Variants in MEGF11 observed in about 807,000 individuals in gnomAD.
The protein encoded by MEGF11 is multiple EGF like domains 11.
MEGF11 carries 126 observed loss-of-function variants against 146.6 expected under a neutral mutation model. The ratio of observed to expected loss-of-function variants is 0.86; its 90% CI spans 0.74 to 1.00. The LOEUF is 1.00. Ranked by LOEUF, MEGF11 falls within the 50% of genes least tolerant of loss-of-function variation. The pLI is 0.00. For synonymous variants in MEGF11, 532 were observed against 583.4 expected (o/e 0.91, Z 1.27); for missense variants, 1,509 against 1,521.2 (o/e 0.99, Z 0.13).
chr15:66,138,226 G>A (rs149317898), intron 1 of MEGF11, among the ~76,000 whole-genome samples: 1 of 152,270 alleles, frequency 6.6e-6, no homozygotes, highest in Non-Finnish European at 1.5e-5. Context: ...CAGAGGACTT[G>A]AGCCCTAAAC....
intron 24 of MEGF11, among the ~76,000 whole-genome samples, chr15:65,899,310 C>T (rs2078433850): frequency 6.6e-6 from 1 of 152,202 alleles, no homozygotes; most frequent in Non-Finnish European, 1.5e-5. Flanking sequence ...AGTCACACAG[C>T]TAGTGAATGG....
intron 1 of MEGF11, among the ~76,000 whole-genome samples, chr15:66,169,606 G>A (rs923319070): frequency 2.6e-5 from 4 of 152,242 alleles, no homozygotes; most frequent in African/African-American, 7.2e-5. Flanking sequence ...CTGTCTCAGC[G>A]AGCACTGACA....
chr15:65,898,999 C>A, intron 24 of MEGF11, 65 bp from the exon 25 acceptor site: 1 of 1,524,638 alleles, frequency 6.6e-7, no homozygotes, highest in South Asian at 1.2e-5. Context: ...ATATCAGAAG[C>A]AGACTGCAGT....
chr15:66,157,681 A>G (rs1449375893), intron 1 of MEGF11, among the ~76,000 whole-genome samples: 5 of 152,216 alleles, frequency 3.3e-5, no homozygotes. Flanking sequence ...GACGCCTGAC[A>G]GAGGAAGATA....
chr15:65,909,812 T>C lies in MEGF11; in HGVS notation c.2830-6A>G, dbSNP rs748287487. On this transcript the variant is annotated splice_region_variant and splice_polypyrimidine_tract_variant and intron_variant, in intron 21 of 25. Coordinates refer to ENST00000395614, the MANE Select transcript of MEGF11 (RefSeq NM_001385028.1). ...TCAAGGGACTTGTTACTGAGCTGTT[T>C]GGAGAGTAGGAGAGCCAGTTAATAT... The C allele has an allele frequency of 5.1e-6, 8 of 1,570,414 alleles. No homozygotes were observed. Among genetic ancestry groups the C allele is most frequent in the South Asian group, 3.4e-5 (3 of 87,184 alleles).
chr15:66,125,806 C>G (rs1170540395), intron 2 of MEGF11, among the ~76,000 whole-genome samples: 2 of 152,172 alleles, frequency 1.3e-5, no homozygotes, highest in Non-Finnish European at 2.9e-5. Flanking sequence ...AATGGATTCC[C>G]CACCTTTGTT....
intron 3 of MEGF11, among the ~76,000 whole-genome samples, chr15:66,123,587 A>G (rs2088160221): frequency 2.0e-5 from 3 of 152,306 alleles, no homozygotes; most frequent in South Asian, 4.1e-4. Context: ...TCTAGGATAC[A>G]TGTAGAACAT....
chr15:65,990,723 GAAAGA>G (rs1385012244), intron 5 of MEGF11, among the ~76,000 whole-genome samples: 1 of 146,832 alleles, frequency 6.8e-6, no homozygotes, highest in East Asian at 1.9e-4. Context: ...AAGAAAGAAA[GAAAGA>G]AAGAAAGAAA....
At chr15:66,007,903 A>G (rs2082569349) in intron 5 of MEGF11, among the ~76,000 whole-genome samples, 1 of 152,164 alleles carries the variant, frequency 6.6e-6, no homozygotes, top group Non-Finnish European at 1.5e-5. Context: ...AGGGTTGGGT[A>G]TTGGAAAGAA....
intron 1 of MEGF11, among the ~76,000 whole-genome samples, chr15:66,217,980 C>G (rs905725942): frequency 6.6e-6 from 1 of 152,210 alleles, no homozygotes; most frequent in Non-Finnish European, 1.5e-5. Context: ...CAATAACTTG[C>G]TGGGTGATCT....
intron 4 of MEGF11, among the ~76,000 whole-genome samples, chr15:66,103,544 G>A (rs2086921987): frequency 6.6e-6 from 1 of 152,172 alleles, no homozygotes; most frequent in South Asian, 2.1e-4. Flanking sequence ...TGATGACAGT[G>A]GAGGAGGAGG....
At position 66,130,867 on chromosome 15, in the gene MEGF11, T is replaced by C. The variant is rs147713477; in HGVS notation, c.-8-2456A>G. 1.0e-3 allele frequency among the ~76,000 whole-genome samples: 158 copies of C among 152,254 alleles called. 3 individuals carry two copies. The East Asian group carries it at 0.022, about 21-fold the overall frequency. ...TTTAATGGGACTTTTCCAGGATCTC[T>C]CTGAGGACAGATCCCAAAGACATAT... is the stretch of plus-strand genomic sequence containing the variant. On this transcript the variant is annotated intron_variant, in intron 1 of 25. Transcript: ENST00000395614.
chr15:66,130,196 G>C (rs748135012), intron 1 of MEGF11, among the ~76,000 whole-genome samples: 17 of 152,188 alleles, frequency 1.1e-4, no homozygotes, highest in Non-Finnish European at 2.2e-4. Context: ...GAGCCTGCCC[G>C]GGACATGGCA....
chr15:65,933,429 G>A (rs533367445), intron 10 of MEGF11, among the ~76,000 whole-genome samples: 3 of 152,346 alleles, frequency 2.0e-5, no homozygotes, highest in African/African-American at 7.2e-5. Context: ...TTGCCTGTGA[G>A]CCCTGTTGCA....
intron 5 of MEGF11, among the ~76,000 whole-genome samples, chr15:66,030,435 G>C (rs1272785178): frequency 1.3e-5 from 2 of 152,052 alleles, no homozygotes; most frequent in African/African-American, 2.4e-5. Context: ...TTTTGATATG[G>C]AGTCTTGCTC....
intron 17 of MEGF11, 47 bp downstream of exon 17, chr15:65,916,781 G>A (rs370882357): frequency 6.8e-5 from 109 of 1,600,716 alleles, no homozygotes; most frequent in Middle Eastern, 3.3e-4. Flanking sequence ...CCAGTAGGCC[G>A]CAGCATGGTA....
chr15:66,161,694 C>G (rs1453504469), intron 1 of MEGF11, among the ~76,000 whole-genome samples: 1 of 152,122 alleles, frequency 6.6e-6, no homozygotes, highest in Non-Finnish European at 1.5e-5. Flanking sequence ...TGCACCCACC[C>G]ACCACCAACT....
At chr15:66,122,252 C>A (rs534135620) in intron 3 of MEGF11, among the ~76,000 whole-genome samples, 1 of 127,332 alleles carries the variant, frequency 7.9e-6, no homozygotes, top group African/African-American at 2.8e-5. Context: ...CAACAGAGTG[C>A]GATTCTGTCA....
At chr15:65,986,478 A>G (rs8035444) in intron 5 of MEGF11, among the ~76,000 whole-genome samples, 28,417 of 152,070 alleles carry the variant, frequency 0.19, 2,889 homozygotes, top group Non-Finnish European at 0.23. Context: ...GAAATTTCCC[A>G]CCAGAGTGAT....
Sources: allele counts gnomAD v4.1 joint callset (sites outside exome capture counted in the v4.1 genomes callset), GRCh38; gene constraint gnomAD v4.1.1; transcripts MANE v1.5; gene names NCBI Gene and HGNC (gene_info 2026-07-23, HGNC 2026-07-21).